The following HEG1 variants were observed in gnomAD, a reference collection of about 807,000 sequenced individuals.
The protein encoded by HEG1 is protein HEG homolog 1.
HEG1 carries 56 observed loss-of-function variants against 125.6 expected under a neutral mutation model. That is an observed-to-expected ratio of 0.45 (90% CI 0.36 to 0.56). The LOEUF (loss-of-function observed/expected upper bound fraction) is 0.56. HEG1 is among the 20% of genes least tolerant of loss of function. The pLI, the probability that HEG1 is intolerant of heterozygous loss-of-function variation, is 0.00. For missense variants in HEG1, 1,523 were observed against 1,670.0 expected, an observed-to-expected ratio of 0.91 and a Z score of 1.53; for synonymous variants, 644 against 668.5, an observed-to-expected ratio of 0.96 and a Z score of 0.57.
chr3:124,970,846 GGGT>G (rs1294474964), intron 16 of HEG1, 45 bp from the exon 17 acceptor site: 10 of 1,532,836 alleles, frequency 6.5e-6, no homozygotes, highest in Non-Finnish European at 8.9e-6. Context: ...TATCATTCTT[GGGT>G]TTAAATTGCA....
intron 3 of HEG1, among the ~76,000 whole-genome samples, chr3:125,025,515 G>A (rs993368549): frequency 6.6e-6 from 1 of 152,176 alleles, no homozygotes; most frequent in Non-Finnish European, 1.5e-5. Flanking sequence ...AGGATGGATG[G>A]TAAAGAATTT....
chr3:125,021,829 C>T (rs917240786), intron 3 of HEG1, among the ~76,000 whole-genome samples: 7 of 152,168 alleles, frequency 4.6e-5, no homozygotes, highest in African/African-American at 1.7e-4. Flanking sequence ...AATTTAATTC[C>T]ACCCAAAAGC....
chr3:125,020,841 T>G lies in HEG1; in HGVS notation c.1203A>C (p.Thr401=), dbSNP rs1937324334. The change falls in exon 4 of 17, where the codon ACA becomes ACC. Residue 401 remains threonine, a synonymous_variant. Coordinates refer to ENST00000311127, the MANE Select transcript of HEG1 (RefSeq NM_020733.2). ...AAGACGTAAGTCCAAATTCATTTTC[T>G]GTGGATGGTTCAATGAATTCCTCAT... ...PGDEEFIEPS[T]ENEFGLTSLR... 6 of 1,614,016 alleles carry G rather than the reference T, an allele frequency of 3.7e-6. No individual in the cohort carries two copies. The highest frequency in any genetic ancestry group is 5.1e-6 in the Non-Finnish European group (6 of 1,179,880).
chr3:125,044,671 CA>C (rs2107713143), intron 1 of HEG1, among the ~76,000 whole-genome samples: 1 of 152,000 alleles, frequency 6.6e-6, no homozygotes, highest in South Asian at 2.1e-4. Context: ...CGTCTGACTG[CA>C]ATGAAAATCC....
intron 11 of HEG1, among the ~76,000 whole-genome samples, chr3:125,000,913 T>C (rs911977082): frequency 2.0e-5 from 3 of 152,234 alleles, no homozygotes; most frequent in African/African-American, 7.2e-5. Flanking sequence ...TTTGATCATG[T>C]AGCACGTGGC....
At chr3:124,987,952 C>CACACACACACACACACATATAT in intron 14 of HEG1, among the ~76,000 whole-genome samples, 99 of 54,670 alleles carry the variant, frequency 1.8e-3, no homozygotes, top group South Asian at 0.012. Flanking sequence ...CACACACACA[C>CACACACACACACACACATATAT]ATATATATAT....
intron 3 of HEG1, among the ~76,000 whole-genome samples, chr3:125,024,616 G>T (rs920636351): frequency 6.6e-6 from 1 of 152,212 alleles, no homozygotes; most frequent in African/African-American, 2.4e-5. Context: ...TTAAAAATCT[G>T]ATTCCATTGC....
intron 12 of HEG1, among the ~76,000 whole-genome samples, chr3:124,992,963 A>G (rs1464572119): frequency 1.3e-5 from 2 of 152,162 alleles, no homozygotes; most frequent in African/African-American, 4.8e-5. Flanking sequence ...TGTGGTATTT[A>G]TTTGGGGATG....
chr3:125,021,201 A>C, intron 3 of HEG1, 71 bp from the exon 4 acceptor site: 2 of 1,197,098 alleles, frequency 1.7e-6, no homozygotes, highest in East Asian at 5.1e-5. Context: ...TTCGAGATAC[A>C]AATGACGTTT....
intron 16 of HEG1, among the ~76,000 whole-genome samples, chr3:124,972,648 T>C (rs981913757): frequency 6.6e-6 from 1 of 152,224 alleles, no homozygotes; most frequent in Non-Finnish European, 1.5e-5. Flanking sequence ...TCACATTTAT[T>C]GCTATTCCTC....
rs1412406051 is a variant in HEG1 at position 125,012,496 on chromosome 3, T to G, written c.2956+127A>C. 3 of 989,870 alleles carry G rather than the reference T, an allele frequency of 3.0e-6. No individual in the cohort carries two copies. In the African/African-American group the frequency reaches 4.9e-5, roughly 16 times the overall value. The allele number at this position is 989,870 out of a possible 1,614,324, so 61.3% of individuals were successfully genotyped here. On this transcript the variant is annotated intron_variant, in intron 6 of 16. Coordinates refer to ENST00000311127, the MANE Select transcript of HEG1 (RefSeq NM_020733.2). ...GTGTTTCAATAGGAAGCATTTTAGG[T>G]CGCAAAACAGAAGCTATTTCAAATG...
chr3:125,001,914 T>C lies in HEG1; in HGVS notation c.3455A>G (p.Asn1152Ser). The C allele has an allele frequency of 1.9e-6, 3 of 1,613,722 alleles. No homozygotes were observed. The highest frequency in any genetic ancestry group is 2.5e-6 in the Non-Finnish European group (3 of 1,179,828). ...GACCTCAGCAGAGGACTTGCAGGAGTTGACACATTTCTGCATCCTATCAGC... is the reference window on the plus strand; with the variant it reads ...GACCTCAGCAGAGGACTTGCAGGAGCTGACACATTTCTGCATCCTATCAGC... Reference protein sequence around the residue: ...DLADRMQKCVNSCKSSAEVCQ... With the variant: ...DLADRMQKCVSSCKSSAEVCQ... Residue 1152 changes from asparagine to serine, a missense_variant, in exon 11 of 17, where the codon AAC (asparagine) becomes AGC (serine). Physicochemically the swap from Asn to Ser is conservative, Grantham distance 46 (BLOSUM62 1). Transcript: ENST00000311127.
intron 1 of HEG1, among the ~76,000 whole-genome samples, chr3:125,039,552 C>G (rs1937575399): frequency 1.3e-5 from 2 of 152,148 alleles, no homozygotes; most frequent in South Asian, 4.1e-4. Context: ...AGAACAAGCC[C>G]TTTATTTTCT....
intron 8 of HEG1, among the ~76,000 whole-genome samples, chr3:125,005,961 G>A (rs1937065914): frequency 6.6e-6 from 1 of 152,120 alleles, no homozygotes; most frequent in Non-Finnish European, 1.5e-5. Flanking sequence ...CATTGATAAA[G>A]GGGGCTTCCA....
chr3:124,996,024 C>A lies in HEG1; in HGVS notation c.3652+1665G>T, dbSNP rs116470486. Among the ~76,000 whole-genome samples the A allele has an allele frequency of 1.5e-3, 230 of 152,248 alleles. 1 individual carries two copies. The highest frequency in any genetic ancestry group is 5.1e-3 in the African/African-American group (214 of 41,564). ...GTGTCATCCCCTGTCAGCAGCACAG[C>A]GCCCCAACACACATGGATGTTAGCC... On this transcript the variant is annotated intron_variant, in intron 12 of 16. Coordinates refer to ENST00000311127, the MANE Select transcript of HEG1 (RefSeq NM_020733.2).
At chr3:124,999,598 C>T (rs959320277) in intron 11 of HEG1, among the ~76,000 whole-genome samples, 4 of 152,230 alleles carry the variant, frequency 2.6e-5, no homozygotes, top group Non-Finnish European at 5.9e-5. Flanking sequence ...GCAACTGTGC[C>T]CTGCACAGAA....
rs1296485011 is a variant in HEG1, at chr3:125,043,286, C to T, written c.316+12289G>A. Among the ~76,000 whole-genome samples, 5 of 152,196 alleles carry T rather than the reference C, an allele frequency of 3.3e-5. No homozygotes were observed. In the South Asian group the frequency reaches 1.0e-3, roughly 32 times the overall value. ...TGGCCTGGAGCTCCCAAGTCAGGGT[C>T]AGCCTTCCAGAAATAGAACTGGCTC... On this transcript the variant is annotated intron_variant, in intron 1 of 16. Transcript: ENST00000311127.
At position 125,012,954 on chromosome 3, in the gene HEG1, A is replaced by G; in HGVS notation, c.2625T>C (p.Thr875=). ...SLVTGPIAVQ[T]TAGKQLSLTH... ...TCAGCGAGAGCTGTTTTCCAGCTGT[A>G]GTCTGTACGGCTATAGGGCCAGTGA... The change falls in exon 6 of 17, where the codon ACT becomes ACC. Residue 875 remains threonine (T), a synonymous_variant. Coordinates refer to ENST00000311127, the MANE Select transcript of HEG1 (RefSeq NM_020733.2). 1 of 1,614,058 alleles carries G rather than the reference A, an allele frequency of 6.2e-7. No homozygotes were observed. The highest frequency in any genetic ancestry group is 8.5e-7 in the Non-Finnish European group (1 of 1,179,898).
At chr3:125,020,228 C>A (rs1231897544) in intron 4 of HEG1, among the ~76,000 whole-genome samples, 1 of 152,106 alleles carries the variant, frequency 6.6e-6, no homozygotes, top group East Asian at 1.9e-4. Context: ...GAGCTCAAGA[C>A]CAGCCTGGGC....
Sources: gnomAD v4.1 joint callset for allele counts (sites outside exome capture counted in the v4.1 genomes callset) on GRCh38, gnomAD v4.1.1 for gene constraint, MANE v1.5 for transcripts, NCBI Gene and HGNC (gene_info 2026-07-23, HGNC 2026-07-21) for gene names.